The following CNST variants were observed in gnomAD, a reference collection of about 807,000 sequenced individuals.
CNST encodes consortin.
Under a neutral mutation model 72.4 loss-of-function variants are expected in CNST, and 39 were observed. That is an observed-to-expected ratio of 0.54 (90% confidence interval 0.42 to 0.70). CNST has a LOEUF of 0.70. Ranked by LOEUF, CNST falls within the 30% of genes least tolerant of loss-of-function variation. CNST has a pLI of 0.00. For missense variants in CNST, 871 were observed against 868.5 expected (o/e 1.00, Z -0.04); for synonymous variants, 332 against 320.1 (o/e 1.04, Z -0.40).
In CNST at chr1:246,634,490, G is replaced by T. The variant is rs754977780; in HGVS notation, c.721G>T (p.Val241Leu). 6.3e-7 allele frequency: 1 copy of T among 1,584,986 alleles called. No homozygotes were observed. The highest frequency in any genetic ancestry group is 1.4e-5 in the African/African-American group (1 of 73,146). ...AAATTTAGAAACAAAATGGAAAACT[G>T]TGCAACCACATACAGTTACGGCTCT... is the stretch of plus-strand genomic sequence containing the variant. Reference protein sequence around the residue: ...QEQWETKWKTVQPHTVTALRN... With the variant: ...QEQWETKWKTLQPHTVTALRN... Residue 241 changes from valine (V) to leucine (L), a missense_variant, in exon 6 of 11, where the codon GTG becomes TTG. Val to Leu is a conservative substitution (Grantham distance 32). Transcript: ENST00000366513.
chr1:246,628,768 T>C (rs1316033410), intron 3 of CNST, among the ~76,000 whole-genome samples: 1 of 152,162 alleles, frequency 6.6e-6, no homozygotes, highest in African/African-American at 2.4e-5. Flanking sequence ...TTTCAACATA[T>C]GAATTTGTGA....
chr1:246,646,637 CG>C (rs537653944), intron 8 of CNST, among the ~76,000 whole-genome samples: 9 of 152,144 alleles, frequency 5.9e-5, no homozygotes, highest in African/African-American at 1.9e-4. Flanking sequence ...TGTGCCACCA[CG>C]CCCAGCTAAT....
intron 9 of CNST, among the ~76,000 whole-genome samples, chr1:246,657,677 TTCCACAGCCAAACACCACCC>T (rs1406676048): frequency 2.6e-5 from 4 of 152,130 alleles, no homozygotes; most frequent in Non-Finnish European, 4.4e-5. Flanking sequence ...TAGTGTTGAC[TTCCACAGCCAAACACCACCC>T]TCCCTGGTTG....
intron 2 of CNST, among the ~76,000 whole-genome samples, chr1:246,618,724 C>T (rs1663854105): frequency 6.6e-6 from 1 of 151,960 alleles, no homozygotes; most frequent in Admixed American, 6.6e-5. Flanking sequence ...TTTTATTTAC[C>T]AATGTATTGC....
chr1:246,633,378 G>C (rs978630102), intron 4 of CNST, among the ~76,000 whole-genome samples: 1 of 151,956 alleles, frequency 6.6e-6, no homozygotes, highest in African/African-American at 2.4e-5. Flanking sequence ...GAATCCAGGA[G>C]GGGGAGGTTG....
intron 4 of CNST, 109 bp from the exon 5 acceptor site, chr1:246,633,815 C>T: frequency 1.5e-6 from 1 of 656,958 alleles, no homozygotes; most frequent in Non-Finnish European, 2.7e-6. Flanking sequence ...AGAGTCCTCT[C>T]ATGTTTTAGT....
intron 3 of CNST, among the ~76,000 whole-genome samples, chr1:246,630,846 A>G (rs1033387458): frequency 2.0e-5 from 3 of 152,210 alleles, no homozygotes; most frequent in Admixed American, 1.3e-4. Flanking sequence ...CCCAGGTTCA[A>G]GCGATTCTTC....
intron 1 of CNST, among the ~76,000 whole-genome samples, chr1:246,578,664 G>A (rs1269889643): frequency 7.4e-5 from 11 of 148,602 alleles, no homozygotes; most frequent in Non-Finnish European, 1.0e-4. Context: ...GAGAGACTCC[G>A]TTTCAAAAAA....
At chr1:246,587,682 G>T (rs186353697) in intron 1 of CNST, among the ~76,000 whole-genome samples, 1 of 152,302 alleles carries the variant, frequency 6.6e-6, no homozygotes, top group East Asian at 1.9e-4. Context: ...GAAGAGAGAT[G>T]ACTCTTTATC....
intron 3 of CNST, among the ~76,000 whole-genome samples, chr1:246,623,968 T>C (rs937910796): frequency 6.8e-6 from 1 of 147,322 alleles, no homozygotes; most frequent in Non-Finnish European, 1.5e-5. Context: ...GACGCTAAGG[T>C]GGGAGGATTG....
At chr1:246,663,345 A>C (rs1667215842) in intron 10 of CNST, among the ~76,000 whole-genome samples, 1 of 152,074 alleles carries the variant, frequency 6.6e-6, no homozygotes, top group Non-Finnish European at 1.5e-5. Flanking sequence ...CTAAAAAAAA[A>C]AAAAAAAGAA....
At chr1:246,650,697 A>G (rs1343890387) in intron 9 of CNST, among the ~76,000 whole-genome samples, 62 of 28,592 alleles carry the variant, frequency 2.2e-3, no homozygotes, top group African/African-American at 7.4e-3. Context: ...TTTTTTTTTG[A>G]TACAGAGTCT....
At chr1:246,595,108 G>T (rs1035876952) in intron 2 of CNST, among the ~76,000 whole-genome samples, 1 of 152,278 alleles carries the variant, frequency 6.6e-6, no homozygotes, top group African/African-American at 2.4e-5. Flanking sequence ...GGCCATGGAC[G>T]AGGCGGGACT....
intron 1 of CNST, among the ~76,000 whole-genome samples, chr1:246,589,107 GTTTTA>G (rs762645001): frequency 6.6e-6 from 1 of 151,780 alleles, no homozygotes; most frequent in East Asian, 1.9e-4. Context: ...TATTATTATT[GTTTTA>G]TTTTATTTTA....
chr1:246,620,833 G>A (rs1445131035), intron 2 of CNST, among the ~76,000 whole-genome samples: 9 of 150,752 alleles, frequency 6.0e-5, no homozygotes, highest in African/African-American at 2.2e-4. Flanking sequence ...TACACACGAC[G>A]GGCTCTGGGC....
chr1:246,592,481 C>T (rs1331437240), intron 2 of CNST, among the ~76,000 whole-genome samples: 5 of 151,866 alleles, frequency 3.3e-5, no homozygotes, highest in African/African-American at 9.7e-5. Flanking sequence ...AGTGAGACTT[C>T]GTCTCAAAAA....
chr1:246,603,876 T>A (rs1260881614), intron 2 of CNST, among the ~76,000 whole-genome samples: 1 of 152,150 alleles, frequency 6.6e-6, no homozygotes, highest in Non-Finnish European at 1.5e-5. Context: ...CACAGTATAC[T>A]GAAGTAAAGC....
intron 2 of CNST, among the ~76,000 whole-genome samples, chr1:246,613,824 G>T (rs1240946590): frequency 6.8e-6 from 1 of 147,484 alleles, no homozygotes; most frequent in African/African-American, 2.5e-5. Context: ...CTCCCGAGTA[G>T]CTGGAACTAC....
rs763890173 is a variant in CNST, at chr1:246,631,921, G to T, written c.613G>T (p.Asp205Tyr). Residue 205 changes from aspartate (D) to tyrosine (Y), a missense_variant, in exon 4 of 11, where the codon GAC becomes TAC. Asp to Tyr is a radical substitution (Grantham distance 160). Transcript: ENST00000366513. The part of the protein sequence containing the change: ...QIAESYFQEE[D>Y]YEKAMKFIQL... The stretch of plus-strand genomic sequence containing the variant: ...AGCAGAATCCTATTTCCAGGAGGAG[G>T]ACTGTATCCTTTTCTTAATTACAGG... 1 of 1,539,724 alleles carries T rather than the reference G, an allele frequency of 6.5e-7. No homozygotes were observed. Among genetic ancestry groups the T allele is most frequent in the South Asian group, 1.2e-5 (1 of 83,926 alleles).
Sources: gnomAD v4.1 joint callset for allele counts (sites outside exome capture counted in the v4.1 genomes callset) on GRCh38, gnomAD v4.1.1 for gene constraint, MANE v1.5 for transcripts, NCBI Gene and HGNC (gene_info 2026-07-23, HGNC 2026-07-21) for gene names.